Variants in SPAG5 observed in about 807,000 individuals in gnomAD.
The protein encoded by SPAG5 is sperm-associated antigen 5.
Under a neutral mutation model 145.4 loss-of-function variants are expected in SPAG5, and 99 were observed. That is an observed-to-expected ratio of 0.68 (90% CI 0.58 to 0.80). The LOEUF (loss-of-function observed/expected upper bound fraction) is 0.80. Ranked by LOEUF, SPAG5 falls within the 30% of genes least tolerant of loss-of-function variation. SPAG5 has a pLI of 0.00. For synonymous variants in SPAG5, 477 were observed against 525.4 expected (o/e 0.91, Z 1.26); for missense variants, 1,192 against 1,416.0 (o/e 0.84, Z 2.54).
chr17:28,585,705 C>T, intron 7 of SPAG5, 52 bp from the exon 8 acceptor site: 2 of 1,610,910 alleles, frequency 1.2e-6, no homozygotes, highest in African/African-American at 1.3e-5. Context: ...GGAGCCAGCA[C>T]AAAAAGATGT....
intron 1 of SPAG5, 105 bp downstream of exon 1, chr17:28,598,791 C>T: frequency 4.6e-6 from 7 of 1,516,938 alleles, no homozygotes; most frequent in East Asian, 2.3e-5. Flanking sequence ...ACTCCACAAG[C>T]CCCCAACCCC....
rs779474828 is a variant in SPAG5 at position 28,578,020 on chromosome 17, T to C, written c.3500A>G (p.His1167Arg). The change falls in exon 23 of 24, where the codon CAT becomes CGT. Residue 1167 changes from histidine (H) to arginine (R), a missense_variant. His to Arg is a conservative substitution (Grantham distance 29, BLOSUM62 0). This residue lies in a region of SPAG5 where 709 missense variants were observed against 840.7 expected (regional missense o/e 0.84). Transcript: ENST00000321765. The stretch of plus-strand genomic sequence containing the variant: ...CCCTCCTGCCTATACCTTATAAATA[T>C]GCTGAACAATGTCATCTAGTTTTTC... ...ELEKLDDIVQ[H>R]IYKTLLSIPE... The C allele has an allele frequency of 5.6e-6, 9 of 1,613,560 alleles. No homozygotes were observed. The African/African-American group carries it at 6.7e-5, about 12-fold the overall frequency.
intron 15 of SPAG5, among the ~76,000 whole-genome samples, chr17:28,581,176 T>G (rs938899063): frequency 6.6e-6 from 1 of 152,244 alleles, no homozygotes; most frequent in Non-Finnish European, 1.5e-5. Flanking sequence ...CATCTATGGC[T>G]GCTCTTGAAC....
chr17:28,584,674 C>G lies in SPAG5; in HGVS notation c.2139G>C (p.Leu713Phe). ...CACCTGTTGCTAGACGACTGTTTTC[C>G]AACTCCAGTTGTTCTGTTTGGCCTT... The part of the protein sequence containing the change: ...ECKGQTEQLE[L>F]ENSRLATDLR... Residue 713 changes from leucine to phenylalanine, a missense_variant, in exon 11 of 24, where the codon TTG becomes TTC. Physicochemically the swap from Leu to Phe is conservative, Grantham distance 22. Around this residue, in one of 5 missense-constraint regions of SPAG5, gnomAD observed 709 missense variants for 840.7 expected, o/e 0.84. Coordinates refer to ENST00000321765, the MANE Select transcript of SPAG5 (RefSeq NM_006461.4). The G allele has an allele frequency of 6.2e-7, 1 of 1,614,110 alleles. No homozygotes were observed. The highest frequency in any genetic ancestry group is 8.5e-7 in the Non-Finnish European group (1 of 1,179,970).
intron 15 of SPAG5, among the ~76,000 whole-genome samples, chr17:28,582,384 C>A (rs895921109): frequency 6.6e-6 from 1 of 152,206 alleles, no homozygotes; most frequent in Non-Finnish European, 1.5e-5. Flanking sequence ...AACTTTCATA[C>A]ACCGTTCCCT....
chr17:28,585,295 G>A (rs1340019843), intron 9 of SPAG5, 24 bp downstream of exon 9: 1 of 1,611,760 alleles, frequency 6.2e-7, no homozygotes, highest in East Asian at 2.2e-5. Flanking sequence ...TAAGGAATTA[G>A]TTATGATGGT....
At chr17:28,597,025 T>TCA (rs2070670036) in intron 2 of SPAG5, among the ~76,000 whole-genome samples, 2 of 152,028 alleles carry the variant, frequency 1.3e-5, no homozygotes, top group Admixed American at 6.6e-5. Context: ...AGGCAGAGGT[T>TCA]GCGGTGAGCC....
At position 28,578,009 on chromosome 17, in the gene SPAG5, C is replaced by A. The variant is rs755130077; in HGVS notation, c.3510+1G>T. 18 of 1,612,730 alleles carry A rather than the reference C, an allele frequency of 1.1e-5. No homozygotes were observed. The highest frequency in any genetic ancestry group is 1.3e-5 in the Non-Finnish European group (15 of 1,178,818). On this transcript the variant is annotated splice_donor_variant, in intron 23 of 23. Coordinates refer to ENST00000321765, the MANE Select transcript of SPAG5 (RefSeq NM_006461.4). LOFTEE classifies it high-confidence loss of function. Reference sequence around the variant, plus strand: ...TGATATCACCTCCCTCCTGCCTATACCTTATAAATATGCTGAACAATGTCA... The same window carrying A: ...TGATATCACCTCCCTCCTGCCTATAACTTATAAATATGCTGAACAATGTCA...
chr17:28,578,745 T>C lies in SPAG5; in HGVS notation c.3125A>G (p.Lys1042Arg). Residue 1042 changes from lysine to arginine, a missense_variant, in exon 20 of 24, where the codon AAG (lysine) becomes AGG (arginine). By Grantham distance (26) the Lys-to-Arg change is conservative (BLOSUM62 2). Around this residue, in one of 5 missense-constraint regions of SPAG5, gnomAD observed 709 missense variants for 840.7 expected, o/e 0.84. Coordinates refer to ENST00000321765, the MANE Select transcript of SPAG5 (RefSeq NM_006461.4). Reference sequence around the variant, plus strand: ...CTGCTGTATCACTTCCTGGAGCTCCTTTTCATTCTGTGAGGGAAAGGGAGG... The same window carrying C: ...CTGCTGTATCACTTCCTGGAGCTCCCTTTCATTCTGTGAGGGAAAGGGAGG... ...QALCLRYKNE[K>R]ELQEVIQQQN... 5 of 1,612,982 alleles carry C rather than the reference T, an allele frequency of 3.1e-6. No homozygotes were observed. The highest frequency in any genetic ancestry group is 4.2e-6 in the Non-Finnish European group (5 of 1,179,094).
intron 4 of SPAG5, among the ~76,000 whole-genome samples, chr17:28,587,078 A>G (rs532711206): frequency 8.2e-4 from 125 of 152,206 alleles, no homozygotes; most frequent in Non-Finnish European, 2.6e-4. Context: ...ACTCAATTCA[A>G]TGAAGCCAAG....
Position 28,577,997 on chromosome 17 carries a change from C to T in SPAG5, c.3510+13G>A, listed in dbSNP as rs749565337. On this transcript the variant is annotated intron_variant, in intron 23 of 23. Transcript: ENST00000321765. ...CAGGTTCATTAGTGATATCACCTCC[C>T]TCCTGCCTATACCTTATAAATATGC... 5 of 1,607,896 alleles carry T rather than the reference C, an allele frequency of 3.1e-6. No homozygotes were observed. In the Admixed American group the frequency reaches 8.3e-5, roughly 27 times the overall value.
intron 2 of SPAG5, among the ~76,000 whole-genome samples, chr17:28,594,744 TTATAG>T (rs1484403859): frequency 6.6e-6 from 1 of 152,170 alleles, no homozygotes; most frequent in Admixed American, 6.5e-5. Context: ...GATGTGTACT[TTATAG>T]TAATTTGTTA....
chr17:28,596,538 C>T (rs901258663), intron 2 of SPAG5, among the ~76,000 whole-genome samples: 2 of 151,158 alleles, frequency 1.3e-5, no homozygotes, highest in Middle Eastern at 3.3e-3. Context: ...CATGGTGGCA[C>T]GTGCCTATAA....
In SPAG5 at chr17:28,579,406, T is replaced by C. The variant is rs376690588; in HGVS notation, c.2964A>G (p.Gln988=). The C allele has an allele frequency of 3.1e-6, 5 of 1,614,218 alleles. No homozygotes were observed. The East Asian group carries it at 6.7e-5, about 22-fold the overall frequency. The change falls in exon 18 of 24, where the codon CAA becomes CAG. Residue 988 remains glutamine (Q), a synonymous_variant. Transcript: ENST00000321765. ...TELQSLCSLL[Q]ESKEEAIRTL... is the part of the protein sequence containing the mutation. Reference sequence around the variant, plus strand: ...TCCTGATGGCTTCTTCTTTAGACTCTTGTAGCAGGGAACAAAGACTCTGAA... The same window carrying C: ...TCCTGATGGCTTCTTCTTTAGACTCCTGTAGCAGGGAACAAAGACTCTGAA...
chr17:28,584,651 C>T lies in SPAG5; in HGVS notation c.2161+1G>A, dbSNP rs865893978. ...GCATACACACACACACACACAAACACCTGTTGCTAGACGACTGTTTTCCAA... is the reference window on the plus strand; with the variant it reads ...GCATACACACACACACACACAAACATCTGTTGCTAGACGACTGTTTTCCAA... On this transcript the variant is annotated splice_donor_variant, in intron 11 of 23. Coordinates refer to ENST00000321765, the MANE Select transcript of SPAG5 (RefSeq NM_006461.4). LOFTEE classifies it high-confidence loss of function. 9.3e-6 allele frequency: 15 copies of T among 1,613,006 alleles called. No homozygotes were observed. Among genetic ancestry groups the T allele is most frequent in the Admixed American group, 3.3e-5 (2 of 59,994 alleles).
intron 15 of SPAG5, among the ~76,000 whole-genome samples, chr17:28,582,168 C>G (rs929514181): frequency 6.6e-6 from 1 of 152,218 alleles, no homozygotes; most frequent in African/African-American, 2.4e-5. Flanking sequence ...TCCTGCCTTG[C>G]CCCACAGAGC....
chr17:28,582,234 A>C (rs1159409938), intron 15 of SPAG5, among the ~76,000 whole-genome samples: 1 of 152,160 alleles, frequency 6.6e-6, no homozygotes, highest in Non-Finnish European at 1.5e-5. Flanking sequence ...GCTGCATTCC[A>C]TATGAGCAGC....
At position 28,598,981 on chromosome 17, in the gene SPAG5, C is replaced by G; in HGVS notation, c.-35G>C. ...GAAGGCAGGCCTATCACGTCTCAGA[C>G]CAAGTCGAGGACGCCATGTTCACCC... On this transcript the variant is annotated 5_prime_UTR_variant, in exon 1 of 24. Transcript: ENST00000321765. 1 of 1,608,792 alleles carries G rather than the reference C, an allele frequency of 6.2e-7. No homozygotes were observed.
chr17:28,586,280 C>T (rs2070585012), intron 5 of SPAG5, 98 bp from the exon 6 acceptor site: 4 of 1,233,930 alleles, frequency 3.2e-6, no homozygotes, highest in Middle Eastern at 1.9e-4. Flanking sequence ...TTCCAAGCTC[C>T]GCATAAGGAG....
Sources: allele counts gnomAD v4.1 joint callset (sites outside exome capture counted in the v4.1 genomes callset), GRCh38; gene constraint gnomAD v4.1.1; regional missense constraint gnomAD v4.1.1; transcripts MANE v1.5; gene names NCBI Gene and HGNC (gene_info 2026-07-23, HGNC 2026-07-21).